Variants in ELOVL6 observed in about 807,000 individuals in gnomAD.
The protein encoded by ELOVL6 is ELOVL fatty acid elongase 6, also known as very long chain fatty acid elongase 6.
ELOVL6 carries 8 observed loss-of-function variants against 31.7 expected under a neutral mutation model. The observed-to-expected ratio is 0.25, with a 90% CI of 0.15 to 0.45. ELOVL6 has a LOEUF of 0.45. Ranked by LOEUF, ELOVL6 falls within the 20% of genes least tolerant of loss-of-function variation. The pLI is 1.00. For synonymous variants in ELOVL6, 101 were observed against 117.7 expected (o/e 0.86, Z 0.92); for missense variants, 126 against 326.4 (o/e 0.39, Z 4.73).
chr4:110,157,670 C>CA (rs201482289), intron 1 of ELOVL6, among the ~76,000 whole-genome samples: 14,140 of 133,444 alleles, frequency 0.11, 770 homozygotes, highest in South Asian at 0.19. Flanking sequence ...GGCTCCGTCT[C>CA]AAAAAAAAAA....
At chr4:110,171,039 G>A (rs77446606) in intron 1 of ELOVL6, among the ~76,000 whole-genome samples, 5,312 of 152,188 alleles carry the variant, frequency 0.035, 309 homozygotes, top group African/African-American at 0.12. Flanking sequence ...CCCTTACCCT[G>A]GAGGAAGGAA....
At chr4:110,196,692 G>A (rs1047787394) in intron 1 of ELOVL6, among the ~76,000 whole-genome samples, 3 of 152,104 alleles carry the variant, frequency 2.0e-5, no homozygotes, top group Non-Finnish European at 2.9e-5. Flanking sequence ...CTTAGGCTCC[G>A]GCTCGGGCCA....
intron 1 of ELOVL6, among the ~76,000 whole-genome samples, chr4:110,196,429 C>A (rs1006452195): frequency 6.6e-6 from 1 of 152,312 alleles, no homozygotes; most frequent in South Asian, 2.1e-4. Flanking sequence ...CCACCGCCCC[C>A]TCCCCGCCTC....
At chr4:110,088,438 T>C (rs555627660) in intron 2 of ELOVL6, among the ~76,000 whole-genome samples, 2 of 152,320 alleles carry the variant, frequency 1.3e-5, no homozygotes, top group East Asian at 3.9e-4. Context: ...CCCACAGATT[T>C]AATGGCTTTT....
intron 1 of ELOVL6, among the ~76,000 whole-genome samples, chr4:110,162,407 G>A (rs917033695): frequency 6.6e-5 from 10 of 152,100 alleles, no homozygotes; most frequent in South Asian, 2.1e-4. Context: ...GTGCAGTGGC[G>A]CAATCACAGC....
intron 2 of ELOVL6, among the ~76,000 whole-genome samples, chr4:110,065,790 A>C (rs1388138874): frequency 1.3e-5 from 2 of 152,184 alleles, no homozygotes; most frequent in Non-Finnish European, 2.9e-5. Flanking sequence ...AGAATTCCAG[A>C]ATTCTGCCCT....
chr4:110,197,265 C>T (rs1239663164), intron 1 of ELOVL6, among the ~76,000 whole-genome samples: 1 of 152,252 alleles, frequency 6.6e-6, no homozygotes, highest in African/African-American at 2.4e-5. Flanking sequence ...ATGCCTCTGC[C>T]ACAACCCTGT....
At position 110,048,093 on chromosome 4, in the gene ELOVL6, C is replaced by T. The variant is rs1184003776; in HGVS notation, c.*3245G>A. ...AGCGAGGGGATATAATCAAGCCTTT[C>T]TTTTCCCTCTAGCAATGTACATGTA... is the stretch of plus-strand genomic sequence containing the variant. On this transcript the variant is annotated 3_prime_UTR_variant, in exon 4 of 4. Coordinates refer to ENST00000302274, the MANE Select transcript of ELOVL6 (RefSeq NM_024090.3). 1 of 152,112 alleles carries T rather than the reference C, an allele frequency of 6.6e-6. No homozygotes were observed. Among genetic ancestry groups the T allele is most frequent in the African/African-American group, 2.4e-5 (1 of 41,414 alleles). 9.4% of individuals were successfully genotyped at this position (152,112 alleles called of 1,614,324 possible).
intron 2 of ELOVL6, among the ~76,000 whole-genome samples, chr4:110,084,558 ACACAG>A (rs1560815771): frequency 9.7e-5 from 6 of 61,688 alleles, no homozygotes; most frequent in African/African-American, 5.9e-4. Context: ...ACACACACAC[ACACAG>A]ATATATATAT....
intron 2 of ELOVL6, among the ~76,000 whole-genome samples, chr4:110,077,702 G>A (rs1169384887): frequency 4.6e-5 from 7 of 152,150 alleles, no homozygotes; most frequent in South Asian, 2.1e-4. Flanking sequence ...CCAAAGGAAC[G>A]CAACTCCTCA....
chr4:110,121,585 G>A (rs1757358134), intron 1 of ELOVL6, among the ~76,000 whole-genome samples: 1 of 152,136 alleles, frequency 6.6e-6, no homozygotes, highest in African/African-American at 2.4e-5. Context: ...TGTAGTCCCA[G>A]CTACTCGGGA....
chr4:110,084,229 T>TATACAAC (rs1756084423), intron 2 of ELOVL6, among the ~76,000 whole-genome samples: 9 of 118,540 alleles, frequency 7.6e-5, no homozygotes, highest in African/African-American at 3.6e-4. Flanking sequence ...TTATATGATA[T>TATACAAC]ATATAACATA....
chr4:110,167,275 A>G (rs1758804681), intron 1 of ELOVL6, among the ~76,000 whole-genome samples: 1 of 152,210 alleles, frequency 6.6e-6, no homozygotes, highest in Non-Finnish European at 1.5e-5. Flanking sequence ...ATGCACAGTA[A>G]AAGGACTTGT....
intron 1 of ELOVL6, among the ~76,000 whole-genome samples, chr4:110,131,970 TG>T (rs986816540): frequency 2.0e-5 from 3 of 152,038 alleles, no homozygotes; most frequent in African/African-American, 4.8e-5. Context: ...CAGAAAAGAA[TG>T]GGGGAAGAGG....
At chr4:110,192,836 T>C (rs991968427) in intron 1 of ELOVL6, among the ~76,000 whole-genome samples, 3 of 152,220 alleles carry the variant, frequency 2.0e-5, no homozygotes, top group African/African-American at 7.2e-5. Context: ...TTATTGAATG[T>C]CATGTTATGA....
intron 1 of ELOVL6, among the ~76,000 whole-genome samples, chr4:110,158,659 T>TA (rs1560849884): frequency 3.5e-3 from 157 of 44,648 alleles, no homozygotes; most frequent in African/African-American, 0.02. Flanking sequence ...ATATATATAT[T>TA]TTTTTTTTTT....
chr4:110,198,330 G>A lies in ELOVL6; in HGVS notation c.6C>T (p.Asn2=). The stretch of plus-strand genomic sequence containing the variant: ...ATTCTTGTAAAGTCAACACTGACAT[G>A]TTCATTGGGGCTGATCTTCGGAGTC... M[N]MSVLTLQEYE... The change falls in exon 1 of 4, where the codon AAC becomes AAT. Residue 2 remains asparagine (N), a synonymous_variant. Transcript: ENST00000302274. 6.3e-7 allele frequency: 1 copy of A among 1,597,114 alleles called. No individual in the cohort carries two copies. The highest frequency in any genetic ancestry group is 8.6e-7 in the Non-Finnish European group (1 of 1,164,978).
chr4:110,098,740 A>G (rs1426370716), intron 2 of ELOVL6, among the ~76,000 whole-genome samples: 1 of 152,108 alleles, frequency 6.6e-6, no homozygotes, highest in Admixed American at 6.6e-5. Context: ...ACTCAGCATT[A>G]TGCTTTCCAA....
At chr4:110,072,009 G>A (rs530654701) in intron 2 of ELOVL6, among the ~76,000 whole-genome samples, 12 of 152,318 alleles carry the variant, frequency 7.9e-5, no homozygotes, top group African/African-American at 2.2e-4. Flanking sequence ...GAGAAATACA[G>A]TAGTTCACAA....
Sources: allele counts gnomAD v4.1 joint callset (sites outside exome capture counted in the v4.1 genomes callset), GRCh38; gene constraint gnomAD v4.1.1; transcripts MANE v1.5; gene names NCBI Gene and HGNC (gene_info 2026-07-23, HGNC 2026-07-21).